Variants in PDE1C observed in about 807,000 individuals in gnomAD.
PDE1C encodes phosphodiesterase 1C, also known as dual specificity calcium/calmodulin-dependent 3',5'-cyclic nucleotide phosphodiesterase 1C.
In PDE1C, 62 loss-of-function variants were observed where a neutral mutation model predicts 93.1. The observed-to-expected ratio is 0.67, with a 90% CI of 0.54 to 0.82. The LOEUF (loss-of-function observed/expected upper bound fraction) is 0.82, where lower values mean the gene tolerates loss of function less well. PDE1C is among the 40% of genes least tolerant of loss of function. The pLI is 0.00. For missense variants in PDE1C, 742 were observed against 884.6 expected (o/e 0.84, Z 2.04); for synonymous variants, 325 against 310.1 (o/e 1.05, Z -0.50).
intron 1 of PDE1C, among the ~76,000 whole-genome samples, chr7:32,370,044 T>C (rs1784302117): frequency 6.6e-6 from 1 of 152,186 alleles, no homozygotes; most frequent in South Asian, 2.1e-4. Flanking sequence ...ATGTTTATTG[T>C]GGCATTATTC....
intron 2 of PDE1C, among the ~76,000 whole-genome samples, chr7:31,917,598 C>A (rs1180055385): frequency 6.6e-6 from 1 of 151,478 alleles, no homozygotes; most frequent in African/African-American, 2.4e-5. Context: ...TTTCTTATAG[C>A]AACTGAATGA....
chr7:32,272,413 C>T (rs111830355), intron 1 of PDE1C, among the ~76,000 whole-genome samples: 15 of 152,324 alleles, frequency 9.8e-5, no homozygotes, highest in African/African-American at 3.6e-4. Context: ...AGTGACGTCT[C>T]ATTGAACTAA....
intron 2 of PDE1C, among the ~76,000 whole-genome samples, chr7:32,181,690 G>T (rs1233810092): frequency 6.6e-6 from 1 of 151,840 alleles, no homozygotes; most frequent in East Asian, 1.9e-4. Flanking sequence ...GCCCACAAGA[G>T]AAAGCAGGAA....
At chr7:31,933,248 AC>A (rs534289336) in intron 2 of PDE1C, among the ~76,000 whole-genome samples, 36 of 152,128 alleles carry the variant, frequency 2.4e-4, no homozygotes, top group Non-Finnish European at 4.6e-4. Flanking sequence ...AAAAAAGAAA[AC>A]TACTAGATGT....
chr7:32,172,072 T>C (rs1045600538), intron 2 of PDE1C, among the ~76,000 whole-genome samples: 32 of 151,752 alleles, frequency 2.1e-4, no homozygotes, highest in Non-Finnish European at 4.0e-4. Context: ...AAATAAATCA[T>C]ATATAATTAA....
chr7:32,267,622 T>TCTCTCTCG lies in PDE1C; in HGVS notation c.85+31028_85+31029insCGAGAGAG, dbSNP rs1810698488. Among the ~76,000 whole-genome samples, 6 of 124,238 alleles carry TCTCTCTCG rather than the reference T, an allele frequency of 4.8e-5. No homozygotes were observed. In the South Asian group the frequency reaches 1.3e-3, roughly 27 times the overall value. 81.5% of individuals were successfully genotyped at this position (124,238 alleles called of 152,430 possible). ...CTCTCTCTCTCTCTCTCTCTCTCTC[T>TCTCTCTCG]CTAACAGCCCAGCAAATGACAGTAC... On this transcript the variant is annotated intron_variant, in intron 1 of 18. Transcript: ENST00000396193.
At chr7:31,943,839 G>T (rs537531392) in intron 2 of PDE1C, among the ~76,000 whole-genome samples, 1 of 152,176 alleles carries the variant, frequency 6.6e-6, no homozygotes, top group South Asian at 2.1e-4. Flanking sequence ...TGAAAAAACG[G>T]CCAGTTCAGA....
chr7:32,294,555 C>T (rs1344735328), intron 1 of PDE1C, among the ~76,000 whole-genome samples: 1 of 152,136 alleles, frequency 6.6e-6, no homozygotes, highest in African/African-American at 2.4e-5. Context: ...CAAGTGGGGC[C>T]CACTCAGGTG....
At position 32,164,346 on chromosome 7, in the gene PDE1C, T is replaced by C. The variant is rs78592479; in HGVS notation, c.308+5439A>G. Among the ~76,000 whole-genome samples, 259 of 152,310 alleles carry C rather than the reference T, an allele frequency of 1.7e-3. 2 individuals carry two copies. The highest frequency in any genetic ancestry group is 3.0e-3 in the Non-Finnish European group (204 of 68,030). ...AATAGGGCCAGTCTTATAGGATATATAAAATATGTATCAAAATATAACTCA... is the reference window on the plus strand; with the variant it reads ...AATAGGGCCAGTCTTATAGGATATACAAAATATGTATCAAAATATAACTCA... On this transcript the variant is annotated intron_variant, in intron 3 of 18. Coordinates refer to the PDE1C transcript ENST00000396193.
At chr7:32,341,198 C>G (rs58635568) in intron 1 of PDE1C, among the ~76,000 whole-genome samples, 11 of 30,470 alleles carry the variant, frequency 3.6e-4, no homozygotes, top group Non-Finnish European at 9.3e-4. Flanking sequence ...TTTTTTGAGA[C>G]GGAGTCTCGC....
chr7:32,044,548 C>G (rs1792263141), intron 2 of PDE1C, among the ~76,000 whole-genome samples: 1 of 151,912 alleles, frequency 6.6e-6, no homozygotes, highest in Non-Finnish European at 1.5e-5. Flanking sequence ...AGGTATGCAG[C>G]ATGGAGAAGA....
intron 2 of PDE1C, among the ~76,000 whole-genome samples, chr7:31,920,440 T>C (rs1802462995): frequency 6.6e-6 from 1 of 152,130 alleles, no homozygotes; most frequent in Admixed American, 6.5e-5. Context: ...AGAGGAGACA[T>C]ATGCTCTTCA....
chr7:32,189,201 A>G (rs892278870), intron 2 of PDE1C, among the ~76,000 whole-genome samples: 7 of 152,236 alleles, frequency 4.6e-5, no homozygotes, highest in Admixed American at 4.6e-4. Context: ...TGTTCAGCAG[A>G]GTAAAGATGT....
intron 3 of PDE1C, among the ~76,000 whole-genome samples, chr7:32,082,514 G>A (rs56073026): frequency 0.054 from 8,192 of 152,216 alleles, 291 homozygotes; most frequent in Non-Finnish European, 0.079. Context: ...AGAGCAGCAT[G>A]CAGCTGGAGA....
chr7:31,828,281 C>G lies in PDE1C; in HGVS notation c.1285+11G>C. The stretch of plus-strand genomic sequence containing the variant: ...TTTGGTGCTTCTATCCAAAGAGCTG[C>G]AAACACGTACCTACTTGTGACTGAG... On this transcript the variant is annotated intron_variant, in intron 12 of 17. Transcript: ENST00000396191. 1 of 1,609,006 alleles carries G rather than the reference C, an allele frequency of 6.2e-7. No individual in the cohort carries two copies.
At position 32,309,030 on chromosome 7, in the gene PDE1C, T is replaced by A. The variant is rs532481365; in HGVS notation, c.311-99491A>T. Among the ~76,000 whole-genome samples, 747 of 151,886 alleles carry A rather than the reference T, an allele frequency of 4.9e-3. 3 individuals are homozygous for A. Among genetic ancestry groups the A allele is most frequent in the Non-Finnish European group, 7.9e-3 (539 of 67,956 alleles). ...AAATTAGATGAATGGATAACTAGAATAACCAATGCAGAGAAGTCCTTAAAG... is the reference window on the plus strand; with the variant it reads ...AAATTAGATGAATGGATAACTAGAAAAACCAATGCAGAGAAGTCCTTAAAG... On this transcript the variant is annotated intron_variant, in intron 1 of 1. Coordinates refer to the PDE1C transcript ENST00000672256.
chr7:31,967,156 T>C (rs888206992), intron 2 of PDE1C, among the ~76,000 whole-genome samples: 1 of 152,080 alleles, frequency 6.6e-6, no homozygotes, highest in Non-Finnish European at 1.5e-5. Flanking sequence ...CTTCAAAAAA[T>C]CAATGAATCC....
the PDE1C span, among the ~76,000 whole-genome samples, chr7:31,647,376 G>C: frequency 2.6e-5 from 4 of 152,190 alleles, no homozygotes; most frequent in East Asian, 7.7e-4. Flanking sequence ...AGAAGATAAT[G>C]GGAGGCCAGG....
At chr7:32,050,711 G>A (rs761133396) in intron 2 of PDE1C, among the ~76,000 whole-genome samples, 8 of 152,100 alleles carry the variant, frequency 5.3e-5, no homozygotes, top group Non-Finnish European at 1.2e-4. Context: ...TCTATCATTA[G>A]AGAACCCACT....
Sources: allele counts gnomAD v4.1 joint callset (sites outside exome capture counted in the v4.1 genomes callset), GRCh38; gene constraint gnomAD v4.1.1; transcripts MANE v1.5; gene names NCBI Gene and HGNC (gene_info 2026-07-23, HGNC 2026-07-21).